SLC46A3: variants seen among roughly 807,000 people sequenced by gnomAD.
The protein encoded by SLC46A3 is solute carrier family 46 member 3, also known as lysosomal proton-coupled steroid conjugate and bile acid symporter SLC46A3.
A neutral mutation model predicts 38.5 loss-of-function variants in SLC46A3; 26 were observed. The observed-to-expected ratio is 0.68, with a 90% CI of 0.49 to 0.94. The LOEUF (loss-of-function observed/expected upper bound fraction) is 0.94. Among genes scored for constraint, SLC46A3 ranks in the 40% least tolerant of loss-of-function variants. SLC46A3 has a pLI of 0.00. For synonymous variants in SLC46A3, 185 were observed against 192.5 expected (o/e 0.96, Z 0.32); for missense variants, 510 against 544.3 (o/e 0.94, Z 0.63).
In SLC46A3 at chr13:28,700,699, A is replaced by T. The variant is rs1459263172; in HGVS notation, c.*798T>A. 1 of 413,218 alleles carries T rather than the reference A, an allele frequency of 2.4e-6. No homozygotes were observed. Among genetic ancestry groups the T allele is most frequent in the East Asian group, 3.9e-5 (1 of 25,934 alleles). The allele number at this position is 413,218 out of a possible 1,614,324, so 25.6% of individuals were successfully genotyped here. ...ACATTAGTTACTTTATACCAGTATT[A>T]GCTGTTCATTCAGTTTTTTAACTTC... On this transcript the variant is annotated 3_prime_UTR_variant, in exon 6 of 6. Coordinates refer to ENST00000266943, the MANE Select transcript of SLC46A3 (RefSeq NM_181785.4).
Position 28,705,181 on chromosome 13 carries a change from A to G in SLC46A3, c.1145-1082T>C, listed in dbSNP as rs1225917293. On this transcript the variant is annotated intron_variant, in intron 4 of 5. Transcript: ENST00000266943. ...TATATGTAGCTTCTGCTTTCTGCAG[A>G]TTTTGTCAACAAGTCACTATGCTTG... 2.0e-5 allele frequency among the ~76,000 whole-genome samples: 3 copies of G among 152,102 alleles called. No individual in the cohort carries two copies. The East Asian group carries it at 5.8e-4, about 29-fold the overall frequency.
intron 1 of SLC46A3, among the ~76,000 whole-genome samples, 174 bp from the exon 2 acceptor site, chr13:28,718,196 T>G (rs1271941695): frequency 6.6e-6 from 1 of 152,208 alleles, no homozygotes; most frequent in Non-Finnish European, 1.5e-5. Context: ...AGTAGAGTAC[T>G]CTGTAACAAC....
At position 28,710,755 on chromosome 13, in the gene SLC46A3, C is replaced by A. The variant is rs200689975; in HGVS notation, c.1144+5G>T. The stretch of plus-strand genomic sequence containing the variant: ...ATTCATATTTCTTAAGCAAATTAAA[C>A]TCACCTTGTTCAGTCGAACGAACCA... On this transcript the variant is annotated splice_donor_5th_base_variant and intron_variant, in intron 4 of 5. Transcript: ENST00000266943. 3.5e-5 allele frequency: 56 copies of A among 1,605,112 alleles called. No individual in the cohort carries two copies. The highest frequency in any genetic ancestry group is 3.9e-5 in the Non-Finnish European group (46 of 1,173,094).
chr13:28,701,609 G>A, intron 5 of SLC46A3, 28 bp from the exon 6 acceptor site: 1 of 1,600,536 alleles, frequency 6.2e-7, no homozygotes, highest in South Asian at 1.1e-5. Context: ...ACATTTTAAA[G>A]TTGAGATTAA....
intron 4 of SLC46A3, chr13:28,704,342 T>G: frequency 2.2e-6 from 1 of 444,834 alleles, no homozygotes; most frequent in Non-Finnish European, 4.0e-6. Context: ...AAACTCCAAA[T>G]AGCTGAGTTC....
rs749501877 is a variant in SLC46A3 at position 28,717,862 on chromosome 13, T to C, written c.137A>G (p.Asn46Ser). ...TTTGTTTTTTTCACACTCAGAAATA[T>C]TGCTATCAGATGAAAAAGTGTAGTT... Reference protein sequence around the residue: ...TGNYTFSSDSNISECEKNKSS... With the variant: ...TGNYTFSSDSSISECEKNKSS... The change falls in exon 2 of 6, where the codon AAT becomes AGT. Residue 46 changes from asparagine (N) to serine (S), a missense_variant. Coordinates refer to ENST00000266943, the MANE Select transcript of SLC46A3 (RefSeq NM_181785.4). 37 of 1,614,080 alleles carry C rather than the reference T, an allele frequency of 2.3e-5. No homozygotes were observed. The highest frequency in any genetic ancestry group is 1.6e-4 in the Middle Eastern group (1 of 6,062).
At chr13:28,710,155 C>G (rs921519135) in intron 4 of SLC46A3, among the ~76,000 whole-genome samples, 4 of 152,138 alleles carry the variant, frequency 2.6e-5, no homozygotes, top group Non-Finnish European at 5.9e-5. Flanking sequence ...CCAGGGTGAA[C>G]TGGCCCTCAG....
At chr13:28,713,589 G>C in intron 2 of SLC46A3, 39 bp from the exon 3 acceptor site, 1 of 1,555,584 alleles carries the variant, frequency 6.4e-7, no homozygotes, top group Non-Finnish European at 8.7e-7. Flanking sequence ...GTTTACAGTA[G>C]TTAACACAAC....
intron 4 of SLC46A3, among the ~76,000 whole-genome samples, chr13:28,710,444 G>A (rs1360522936): frequency 1.3e-5 from 2 of 152,216 alleles, no homozygotes; most frequent in Admixed American, 6.5e-5. Context: ...GGACCCAGGT[G>A]GGCAGAGTTC....
In SLC46A3 at chr13:28,717,971, T is replaced by C. The variant is rs1236265758; in HGVS notation, c.28A>G (p.Ile10Val). ...GTCATAGCAAATGCACTAAGGAAAA[T>C]GGCAGGTTCTACAAATAAAATCTTC... MKILFVEPA[I>V]FLSAFAMTLT... Residue 10 changes from isoleucine (I) to valine (V), a missense_variant, in exon 2 of 6, where the codon ATT (isoleucine) becomes GTT (valine). Physicochemically the swap from Ile to Val is conservative, Grantham distance 29. Coordinates refer to ENST00000266943, the MANE Select transcript of SLC46A3 (RefSeq NM_181785.4). 2 of 1,613,012 alleles carry C rather than the reference T, an allele frequency of 1.2e-6. No individual in the cohort carries two copies. The highest frequency in any genetic ancestry group is 2.2e-5 in the East Asian group (1 of 44,866).
In SLC46A3 at chr13:28,713,185, C is replaced by T; in HGVS notation, c.555G>A (p.Leu185=). 1.2e-6 allele frequency: 2 copies of T among 1,614,140 alleles called. No individual in the cohort carries two copies. Among genetic ancestry groups the T allele is most frequent in the Non-Finnish European group, 1.7e-6 (2 of 1,180,006 alleles). Residue 185 remains leucine (L), a synonymous_variant, in exon 3 of 6, where the codon CTG becomes CTA. Coordinates refer to ENST00000266943, the MANE Select transcript of SLC46A3 (RefSeq NM_181785.4). The part of the protein sequence containing the change: ...LLGLVTGLTG[L]SSGYFIRELG... ...GCTCTCTAATAAAATAGCCAGATGACAGTCCTGTTAGTCCAGTAACAAGTC... is the reference window on the plus strand; with the variant it reads ...GCTCTCTAATAAAATAGCCAGATGATAGTCCTGTTAGTCCAGTAACAAGTC...
At chr13:28,704,824 C>T (rs1417972035) in intron 4 of SLC46A3, among the ~76,000 whole-genome samples, 1 of 152,174 alleles carries the variant, frequency 6.6e-6, no homozygotes, top group Admixed American at 6.5e-5. Context: ...TGCCTCTGCC[C>T]TAAGGTGCCT....
At chr13:28,714,367 T>C in intron 2 of SLC46A3, among the ~76,000 whole-genome samples, 1 of 152,124 alleles carries the variant, frequency 6.6e-6, no homozygotes. Context: ...CCCAGCACTG[T>C]GGGAGGCCGA....
In SLC46A3 at chr13:28,709,635, C is replaced by G. The variant is rs146853173; in HGVS notation, c.1144+1125G>C. ...TGCATCCTGGTTATTCTCTGCCTGC[C>G]CCTTCAACTGTTTGACTTTGTGTAC... On this transcript the variant is annotated intron_variant, in intron 4 of 5. Transcript: ENST00000266943. 2.3e-3 allele frequency among the ~76,000 whole-genome samples: 345 copies of G among 152,232 alleles called. 2 individuals carry two copies. Among genetic ancestry groups the G allele is most frequent in the African/African-American group, 7.6e-3 (316 of 41,550 alleles).
intron 4 of SLC46A3, among the ~76,000 whole-genome samples, chr13:28,709,385 A>T (rs1885276477): frequency 6.6e-6 from 1 of 152,164 alleles, no homozygotes; most frequent in Non-Finnish European, 1.5e-5. Flanking sequence ...TGAATTATGT[A>T]GCCTTCTCCA....
Position 28,700,505 on chromosome 13 carries a change from C to G in SLC46A3, c.*992G>C. The stretch of plus-strand genomic sequence containing the variant: ...CTATGAGTGACCGTGTTGACGGATT[C>G]AAATTTAAGGAGTACAAGATCGTAT... On this transcript the variant is annotated 3_prime_UTR_variant, in exon 6 of 6. Transcript: ENST00000266943. The G allele has an allele frequency of 6.4e-6, 1 of 155,118 alleles. No homozygotes were observed. Among genetic ancestry groups the G allele is most frequent in the South Asian group, 2.0e-4 (1 of 4,986 alleles). The allele number at this position is 155,118 out of a possible 1,614,324, so 9.6% of individuals were successfully genotyped here. A position where few individuals can be genotyped will look rare whatever the true frequency, so the allele number is the denominator to read the frequency against.
chr13:28,714,142 A>T (rs550845561), intron 2 of SLC46A3, among the ~76,000 whole-genome samples: 1 of 11,906 alleles, frequency 8.4e-5, no homozygotes, highest in African/African-American at 9.2e-5. Flanking sequence ...CAAAAAATAC[A>T]AAAAAAAAAA....
In SLC46A3 at chr13:28,701,186, A is replaced by G. The variant is rs1409446536; in HGVS notation, c.*311T>C. 1.0e-5 allele frequency: 14 copies of G among 1,398,266 alleles called. No homozygotes were observed. Among genetic ancestry groups the G allele is most frequent in the Non-Finnish European group, 1.0e-5 (11 of 1,076,610 alleles). 86.6% of individuals were successfully genotyped at this position (1,398,266 alleles called of 1,614,324 possible). ...CAGAGAGATTATTGCTTTTGACCTT[A>G]TCAAGTTTCTTGATCCCTCCTTACA... is the stretch of plus-strand genomic sequence containing the variant. On this transcript the variant is annotated 3_prime_UTR_variant, in exon 6 of 6. Coordinates refer to ENST00000266943, the MANE Select transcript of SLC46A3 (RefSeq NM_181785.4).
rs188350851 is a variant in SLC46A3 at position 28,710,598 on chromosome 13, A to G, written c.1144+162T>C. 1.7e-3 allele frequency among the ~76,000 whole-genome samples: 253 copies of G among 152,358 alleles called. 3 individuals are homozygous for G. Among genetic ancestry groups the G allele is most frequent in the African/African-American group, 5.7e-3 (235 of 41,590 alleles). On this transcript the variant is annotated intron_variant, in intron 4 of 5. Transcript: ENST00000266943. ...AGGCCCTAGGCAGGGGCTCCCTTGC[A>G]AGAGTGTAAGCCTTTCCCTCACAGA...
Sources: allele counts gnomAD v4.1 joint callset (sites outside exome capture counted in the v4.1 genomes callset), GRCh38; gene constraint gnomAD v4.1.1; transcripts MANE v1.5; gene names NCBI Gene and HGNC (gene_info 2026-07-23, HGNC 2026-07-21).